Variants in GRIK2 observed in about 807,000 individuals in gnomAD.
The protein encoded by GRIK2 is glutamate receptor ionotropic, kainate 2.
In GRIK2, 32 loss-of-function variants were observed where a neutral mutation model predicts 100.3. The observed-to-expected ratio is 0.32, with a 90% CI of 0.24 to 0.43. GRIK2 has a LOEUF of 0.43. Among genes scored for constraint, GRIK2 ranks in the 20% least tolerant of loss-of-function variants. GRIK2 has a pLI of 1.00. For synonymous variants in GRIK2, 417 were observed against 389.4 expected (o/e 1.07, Z -0.83); for missense variants, 843 against 1,114.9 (o/e 0.76, Z 3.47).
chr6:101,738,156 G>A (rs1037671752), intron 7 of GRIK2, among the ~76,000 whole-genome samples: 1 of 146,296 alleles, frequency 6.8e-6, no homozygotes, highest in African/African-American at 2.5e-5. Context: ...CACATTAAAT[G>A]TCAATTGTAA....
chr6:101,541,568 A>T (rs1421030853), intron 2 of GRIK2, among the ~76,000 whole-genome samples: 2 of 152,002 alleles, frequency 1.3e-5, no homozygotes, highest in East Asian at 3.9e-4. Context: ...AGTCAAAATT[A>T]TGTCTTGTTC....
At chr6:102,044,297 G>A (rs745542121) in intron 15 of GRIK2, among the ~76,000 whole-genome samples, 2 of 151,878 alleles carry the variant, frequency 1.3e-5, no homozygotes, top group African/African-American at 2.4e-5. Flanking sequence ...TGGTGCTCTC[G>A]AGCTATCAGA....
At chr6:101,479,518 T>C (rs1438957746) in intron 2 of GRIK2, among the ~76,000 whole-genome samples, 1 of 152,204 alleles carries the variant, frequency 6.6e-6, no homozygotes, top group Non-Finnish European at 1.5e-5. Flanking sequence ...AACAGTAATT[T>C]AATTTTTAAA....
chr6:101,670,555 T>C (rs1317493591), intron 4 of GRIK2, among the ~76,000 whole-genome samples: 1 of 152,144 alleles, frequency 6.6e-6, no homozygotes, highest in Non-Finnish European at 1.5e-5. Flanking sequence ...AAACTATTTG[T>C]GGACATTATT....
intron 2 of GRIK2, among the ~76,000 whole-genome samples, chr6:101,573,774 T>C (rs1041965944): frequency 6.6e-5 from 10 of 152,236 alleles, no homozygotes; most frequent in African/African-American, 1.9e-4. Context: ...TAAATACAAA[T>C]AAGCCTTCAG....
At chr6:101,781,441 G>A (rs1484536078) in intron 7 of GRIK2, among the ~76,000 whole-genome samples, 1 of 152,082 alleles carries the variant, frequency 6.6e-6, no homozygotes, top group Non-Finnish European at 1.5e-5. Flanking sequence ...GTATTTGGGG[G>A]TATACTATCA....
Position 101,799,865 on chromosome 6 carries a change from T to G in GRIK2, c.1095+74T>G. 4 of 1,197,448 alleles carry G rather than the reference T, an allele frequency of 3.3e-6. No homozygotes were observed. The South Asian group carries it at 5.2e-5, about 16-fold the overall frequency. The allele number at this position is 1,197,448 out of a possible 1,614,324, so 74.2% of individuals were successfully genotyped here. On this transcript the variant is annotated intron_variant, in intron 8 of 16. Coordinates refer to ENST00000369134, the MANE Select transcript of GRIK2 (RefSeq NM_021956.5). ...AATGAAGTGAGATTATTGTGGTTTTTCTAGCAAGTGTCCTTTTACTTTATG... is the reference window on the plus strand; with the variant it reads ...AATGAAGTGAGATTATTGTGGTTTTGCTAGCAAGTGTCCTTTTACTTTATG...
chr6:101,427,276 T>G (rs1769079871), intron 2 of GRIK2, among the ~76,000 whole-genome samples: 1 of 152,244 alleles, frequency 6.6e-6, no homozygotes, highest in South Asian at 2.1e-4. Flanking sequence ...TTGAAATTTC[T>G]TCCACATTCA....
rs1308101332 is a variant in GRIK2 at position 101,701,517 on chromosome 6, A to AT, written c.951+15171dup. Among the ~76,000 whole-genome samples the AT allele has an allele frequency of 7.2e-5, 11 of 152,024 alleles. No homozygotes were observed. The East Asian group carries it at 1.6e-3, about 22-fold the overall frequency. On this transcript the variant is annotated intron_variant, in intron 7 of 16. Coordinates refer to ENST00000369134, the MANE Select transcript of GRIK2 (RefSeq NM_021956.5). ...CTTCAAATATTTATTCCTATTTCCA[A>AT]TTTTTTTACTAAATCAAAAGGAAAA...
chr6:101,963,509 C>CTTTTTTTTTTTTTTTTTTT (rs770178884), intron 14 of GRIK2, among the ~76,000 whole-genome samples: 19 of 106,106 alleles, frequency 1.8e-4, no homozygotes, highest in South Asian at 3.3e-4. Flanking sequence ...TTCTTTCTTT[C>CTTTTTTTTTTTTTTTTTTT]TTTTTTTTTT....
At chr6:101,700,163 A>G (rs1772784508) in intron 7 of GRIK2, among the ~76,000 whole-genome samples, 1 of 151,858 alleles carries the variant, frequency 6.6e-6, no homozygotes, top group Non-Finnish European at 1.5e-5. Context: ...AAACAAACAA[A>G]CAAACAAAAA....
At chr6:101,804,469 T>C (rs946223820) in intron 9 of GRIK2, among the ~76,000 whole-genome samples, 3 of 152,036 alleles carry the variant, frequency 2.0e-5, no homozygotes, top group African/African-American at 7.2e-5. Context: ...ACCATTCTAA[T>C]AGGAAGTGGA....
rs149952610 is a variant in GRIK2, at chr6:101,394,804, C to G, written c.-294+967C>G. The stretch of plus-strand genomic sequence containing the variant: ...AGGCAGCCTATCAACTTCCAGTGGC[C>G]TTAAAAACTTTTGAGTCAAACAAAC... On this transcript the variant is annotated intron_variant, in intron 1 of 16. Transcript: ENST00000369134. Among the ~76,000 whole-genome samples, 1,392 of 152,212 alleles carry G rather than the reference C, an allele frequency of 9.1e-3. 16 individuals are homozygous for G. Among genetic ancestry groups the G allele is most frequent in the Middle Eastern group, 0.014 (4 of 294 alleles).
intron 7 of GRIK2, among the ~76,000 whole-genome samples, chr6:101,732,462 G>T (rs1197750434): frequency 6.6e-6 from 1 of 151,854 alleles, no homozygotes; most frequent in East Asian, 1.9e-4. Flanking sequence ...TATTTTAAGG[G>T]TTAGTTTTTT....
intron 11 of GRIK2, among the ~76,000 whole-genome samples, chr6:101,874,432 C>T (rs1469811899): frequency 6.6e-6 from 1 of 152,118 alleles, no homozygotes; most frequent in Non-Finnish European, 1.5e-5. Flanking sequence ...TTTGTGCGGG[C>T]TGCGTTCTGT....
chr6:101,975,073 A>G (rs1363165631), intron 14 of GRIK2, among the ~76,000 whole-genome samples: 2 of 152,028 alleles, frequency 1.3e-5, no homozygotes, highest in Non-Finnish European at 2.9e-5. Flanking sequence ...GAAGCACAAA[A>G]AAAGGAAGGA....
intron 2 of GRIK2, among the ~76,000 whole-genome samples, chr6:101,540,535 A>G (rs1158818785): frequency 1.3e-5 from 2 of 152,062 alleles, no homozygotes; most frequent in African/African-American, 4.8e-5. Flanking sequence ...TGTATCCACA[A>G]AAATGAAAAA....
intron 2 of GRIK2, chr6:101,431,082 G>A (rs534876678): frequency 3.9e-5 from 10 of 257,036 alleles, no homozygotes; most frequent in Non-Finnish European, 6.6e-5. Flanking sequence ...GGTATCCAAG[G>A]TCTCAAACAT....
chr6:101,561,353 A>G (rs1286065646), intron 2 of GRIK2, among the ~76,000 whole-genome samples: 2 of 151,680 alleles, frequency 1.3e-5, no homozygotes, highest in Admixed American at 6.6e-5. Context: ...CAGAGAATGT[A>G]ATAGTGGTTA....
Sources: gnomAD v4.1 joint callset for allele counts (sites outside exome capture counted in the v4.1 genomes callset) on GRCh38, gnomAD v4.1.1 for gene constraint, MANE v1.5 for transcripts, NCBI Gene and HGNC (gene_info 2026-07-23, HGNC 2026-07-21) for gene names.